The following GALNT17 variants were observed in gnomAD, a reference collection of about 807,000 sequenced individuals.
GALNT17 encodes the protein polypeptide N-acetylgalactosaminyltransferase 17, also known as UDP-GalNAc:polypeptide N-acetylgalactosaminyltransferase-like 3.
Under a neutral mutation model 63.7 loss-of-function variants are expected in GALNT17, and 29 were observed. That is an observed-to-expected ratio of 0.46 (90% CI 0.34 to 0.62). The LOEUF is 0.62. Ranked by LOEUF, GALNT17 falls within the 20% of genes least tolerant of loss-of-function variation. The pLI is 0.01. For missense variants in GALNT17, 603 were observed against 799.6 expected (o/e 0.75, Z 2.97); for synonymous variants, 305 against 318.3 (o/e 0.96, Z 0.45).
chr7:71,377,712 A>C (rs888277236), intron 2 of GALNT17, among the ~76,000 whole-genome samples: 3 of 152,192 alleles, frequency 2.0e-5, no homozygotes, highest in African/African-American at 7.2e-5. Context: ...TGTAGTCTCC[A>C]CGTGTTGAGG....
intron 6 of GALNT17, among the ~76,000 whole-genome samples, chr7:71,602,911 A>G (rs909640837): frequency 6.6e-6 from 1 of 152,142 alleles, no homozygotes; most frequent in Non-Finnish European, 1.5e-5. Flanking sequence ...CACACACTAA[A>G]TGTTATGCTA....
chr7:71,665,070 C>T (rs868624869), intron 6 of GALNT17, among the ~76,000 whole-genome samples: 17 of 152,096 alleles, frequency 1.1e-4, no homozygotes, highest in East Asian at 7.7e-4. Flanking sequence ...CTCCACCTCC[C>T]GGGTTCAACT....
At chr7:71,352,945 T>C (rs1215552486) in intron 2 of GALNT17, among the ~76,000 whole-genome samples, 2 of 152,068 alleles carry the variant, frequency 1.3e-5, no homozygotes, top group African/African-American at 4.8e-5. Flanking sequence ...ATGAAGTTCA[T>C]TGATGACCTC....
At chr7:71,408,150 C>G (rs1316011438) in intron 3 of GALNT17, among the ~76,000 whole-genome samples, 1 of 152,182 alleles carries the variant, frequency 6.6e-6, no homozygotes, top group African/African-American at 2.4e-5. Context: ...GCCAGTTCCA[C>G]TAAGGCCCAC....
At chr7:71,375,250 CA>C (rs1411677548) in intron 2 of GALNT17, among the ~76,000 whole-genome samples, 1 of 152,214 alleles carries the variant, frequency 6.6e-6, no homozygotes, top group Non-Finnish European at 1.5e-5. Flanking sequence ...AGTAAAAACA[CA>C]AGCTTGCAGG....
chr7:71,187,176 G>A (rs776916674), intron 1 of GALNT17, among the ~76,000 whole-genome samples: 10 of 152,226 alleles, frequency 6.6e-5, no homozygotes, highest in Non-Finnish European at 1.5e-4. Flanking sequence ...CTAGAGTGCC[G>A]TGGCAGGATC....
At chr7:71,542,230 T>C (rs1788903918) in intron 5 of GALNT17, among the ~76,000 whole-genome samples, 1 of 152,134 alleles carries the variant, frequency 6.6e-6, no homozygotes, top group South Asian at 2.1e-4. Flanking sequence ...CATGTAACAC[T>C]GTCATGCTCT....
intron 6 of GALNT17, among the ~76,000 whole-genome samples, chr7:71,592,649 A>G (rs1230941205): frequency 6.6e-6 from 1 of 152,072 alleles, no homozygotes; most frequent in Non-Finnish European, 1.5e-5. Flanking sequence ...CAGCTTCAGG[A>G]CCCACAGAGG....
intron 6 of GALNT17, among the ~76,000 whole-genome samples, chr7:71,626,678 C>T (rs566684585): frequency 3.9e-5 from 6 of 152,296 alleles, no homozygotes; most frequent in East Asian, 1.9e-4. Context: ...GATGTTCATT[C>T]GCTTTGTCTG....
intron 5 of GALNT17, among the ~76,000 whole-genome samples, chr7:71,424,283 G>A (rs1177746661): frequency 4.6e-5 from 7 of 152,232 alleles, no homozygotes; most frequent in Non-Finnish European, 8.8e-5. Flanking sequence ...TGAGTTTCAT[G>A]TGTTGGCTGA....
chr7:71,228,193 G>A (rs905938503), intron 1 of GALNT17, among the ~76,000 whole-genome samples: 3 of 152,110 alleles, frequency 2.0e-5, no homozygotes, highest in Non-Finnish European at 4.4e-5. Context: ...TCTCTAAACA[G>A]CCCCTGATGT....
intron 1 of GALNT17, among the ~76,000 whole-genome samples, chr7:71,169,604 A>G (rs1354425755): frequency 2.6e-5 from 4 of 152,156 alleles, no homozygotes; most frequent in Non-Finnish European, 4.4e-5. Context: ...TGCTCAGGCT[A>G]GAGTACAGTG....
chr7:71,613,005 C>G (rs181646360), intron 6 of GALNT17, among the ~76,000 whole-genome samples: 1 of 152,186 alleles, frequency 6.6e-6, no homozygotes, highest in African/African-American at 2.4e-5. Context: ...AACGGCCCCC[C>G]TCTCGCCTAT....
chr7:71,394,577 C>T (rs990883922), intron 3 of GALNT17, among the ~76,000 whole-genome samples: 7 of 152,116 alleles, frequency 4.6e-5, no homozygotes, highest in Admixed American at 1.3e-4. Flanking sequence ...CCTGTAAGGC[C>T]TCTGTCTCCC....
chr7:71,208,096 C>A (rs1330420022), intron 1 of GALNT17, among the ~76,000 whole-genome samples: 1 of 152,024 alleles, frequency 6.6e-6, no homozygotes, highest in Non-Finnish European at 1.5e-5. Context: ...ACAACCATGA[C>A]TGGCTGATTT....
chr7:71,230,692 T>C (rs561402940), intron 1 of GALNT17, among the ~76,000 whole-genome samples: 1 of 152,290 alleles, frequency 6.6e-6, no homozygotes, highest in South Asian at 2.1e-4. Context: ...GACAACCATC[T>C]TCATTAGGAG....
intron 5 of GALNT17, among the ~76,000 whole-genome samples, chr7:71,515,239 G>A (rs1788426863): frequency 6.6e-6 from 1 of 152,206 alleles, no homozygotes; most frequent in South Asian, 2.1e-4. Context: ...TGCCTTAGGA[G>A]CTGGGGAGAG....
chr7:71,523,551 T>C (rs943089246), intron 5 of GALNT17, among the ~76,000 whole-genome samples: 4 of 150,696 alleles, frequency 2.7e-5, no homozygotes, highest in Admixed American at 2.6e-4. Context: ...GGCCAGGAGT[T>C]TGAGATCAGC....
intron 5 of GALNT17, among the ~76,000 whole-genome samples, chr7:71,485,727 A>G (rs916367681): frequency 9.9e-5 from 15 of 152,224 alleles, no homozygotes; most frequent in African/African-American, 2.4e-4. Context: ...GTCATTCGCC[A>G]TCATTGTAGC....
Sources: gnomAD v4.1 joint callset for allele counts (sites outside exome capture counted in the v4.1 genomes callset) on GRCh38, gnomAD v4.1.1 for gene constraint, MANE v1.5 for transcripts, NCBI Gene and HGNC (gene_info 2026-07-23, HGNC 2026-07-21) for gene names.